DOCK3: variants seen among roughly 807,000 people sequenced by gnomAD.
The protein encoded by DOCK3 is dedicator of cytokinesis protein 3.
DOCK3 carries 60 observed loss-of-function variants against 265.6 expected under a neutral mutation model. The ratio of observed to expected loss-of-function variants is 0.23; its 90% confidence interval spans 0.18 to 0.28. DOCK3 has a LOEUF of 0.28. DOCK3 is among the 10% of genes least tolerant of loss of function. The probability of loss-of-function intolerance (pLI) is 1.00; values close to 1 mark genes in which losing one functional copy is unlikely to be tolerated. For synonymous variants in DOCK3, 881 were observed against 938.0 expected, an observed-to-expected ratio of 0.94 and a Z score of 1.11; for missense variants, 1,981 against 2,594.3, an observed-to-expected ratio of 0.76 and a Z score of 5.14.
At chr3:51,360,682 T>C (rs1414318952) in intron 47 of DOCK3, 50 bp downstream of exon 47, 9 of 1,609,846 alleles carry the variant, frequency 5.6e-6, no homozygotes, top group Non-Finnish European at 7.6e-6. Context: ...TGAGTCTAAA[T>C]TGTCAAGGGT....
rs144450851 is a variant in DOCK3 at position 50,724,314 on chromosome 3, T to C, written c.37+49014T>C. Among the ~76,000 whole-genome samples, 491 of 152,266 alleles carry C rather than the reference T, an allele frequency of 3.2e-3. 2 individuals carry two copies. Among genetic ancestry groups the C allele is most frequent in the Non-Finnish European group, 5.3e-3 (359 of 68,018 alleles). Reference sequence around the variant, plus strand: ...ATTCCTCAGGGATCTAGAATAGAAATACCATTTGACCCAGCAGTCCCATTA... The same window carrying C: ...ATTCCTCAGGGATCTAGAATAGAAACACCATTTGACCCAGCAGTCCCATTA... On this transcript the variant is annotated intron_variant, in intron 1 of 52. Transcript: ENST00000266037.
chr3:50,822,055 T>C (rs1207752021), intron 2 of DOCK3, among the ~76,000 whole-genome samples: 1 of 152,200 alleles, frequency 6.6e-6, no homozygotes, highest in East Asian at 1.9e-4. Context: ...TGACAGTAGT[T>C]TGATAGGAAT....
rs1372993913 is a variant in DOCK3, at chr3:51,371,281, T to C, written c.5294-3188T>C. ...GGAAGGCTGAGAGAAGCCCCTTCCC[T>C]TTTGGGGGTAAACATTAAGTGCAAA... On this transcript the variant is annotated intron_variant, in intron 49 of 52. Transcript: ENST00000266037. Among the ~76,000 whole-genome samples the C allele has an allele frequency of 3.3e-5, 5 of 152,210 alleles. No homozygotes were observed. The East Asian group carries it at 9.6e-4, about 29-fold the overall frequency.
At chr3:51,324,115 G>A (rs2083924306) in intron 32 of DOCK3, among the ~76,000 whole-genome samples, 2 of 152,166 alleles carry the variant, frequency 1.3e-5, no homozygotes, top group African/African-American at 4.8e-5. Flanking sequence ...TATTCAAATA[G>A]GAAGAGAGGA....
intron 27 of DOCK3, among the ~76,000 whole-genome samples, chr3:51,292,031 A>G (rs564099153): frequency 6.6e-6 from 1 of 151,934 alleles, no homozygotes; most frequent in South Asian, 2.1e-4. Flanking sequence ...AAAGCATATA[A>G]AAAATTCTCA....
In DOCK3 at chr3:50,934,877, G is replaced by A. The variant is rs571758169; in HGVS notation, c.315+800G>A. On this transcript the variant is annotated intron_variant, in intron 5 of 52. Transcript: ENST00000266037. ...AAGTGACAGGGTTTGGGCTCTGGACGATATGGAGTAAACACATTTTACTTT... is the reference window on the plus strand; with the variant it reads ...AAGTGACAGGGTTTGGGCTCTGGACAATATGGAGTAAACACATTTTACTTT... 6.6e-5 allele frequency among the ~76,000 whole-genome samples: 10 copies of A among 152,260 alleles called. No homozygotes were observed. The South Asian group carries it at 1.7e-3, about 25-fold the overall frequency.
intron 4 of DOCK3, among the ~76,000 whole-genome samples, chr3:50,916,220 T>C (rs1214745137): frequency 6.6e-6 from 1 of 152,052 alleles, no homozygotes; most frequent in Non-Finnish European, 1.5e-5. Flanking sequence ...GGCCTTCAAC[T>C]GTCCAGGGTG....
At chr3:51,137,033 AAATT>A (rs1560110436) in intron 9 of DOCK3, among the ~76,000 whole-genome samples, 1 of 149,272 alleles carries the variant, frequency 6.7e-6, no homozygotes. Flanking sequence ...TAATAATAAT[AAATT>A]AATTAAAAAA....
At chr3:51,267,319 A>G (rs919544710) in intron 23 of DOCK3, among the ~76,000 whole-genome samples, 4 of 152,144 alleles carry the variant, frequency 2.6e-5, no homozygotes, top group African/African-American at 7.2e-5. Flanking sequence ...ATTTCTGGCT[A>G]TAAACCCAAG....
chr3:51,304,946 G>A (rs866742846), intron 27 of DOCK3, among the ~76,000 whole-genome samples: 2 of 152,150 alleles, frequency 1.3e-5, no homozygotes, highest in Middle Eastern at 3.2e-3. Flanking sequence ...AAATTTATTG[G>A]GACTTTCTTA....
At chr3:50,899,836 G>T (rs1364574318) in intron 4 of DOCK3, among the ~76,000 whole-genome samples, 1 of 151,930 alleles carries the variant, frequency 6.6e-6, no homozygotes, top group Non-Finnish European at 1.5e-5. Context: ...GGCTTGTAGG[G>T]TTTCTGCTGT....
intron 3 of DOCK3, among the ~76,000 whole-genome samples, chr3:50,868,514 C>T (rs1011620379): frequency 6.6e-6 from 1 of 152,104 alleles, no homozygotes; most frequent in Admixed American, 6.5e-5. Context: ...GCTGGGACTA[C>T]AGGCACACAC....
At chr3:50,978,802 G>C (rs967095559) in intron 5 of DOCK3, among the ~76,000 whole-genome samples, 2 of 152,194 alleles carry the variant, frequency 1.3e-5, no homozygotes, top group Non-Finnish European at 2.9e-5. Flanking sequence ...GTGAGTCTCC[G>C]TGGGCGTAGG....
intron 22 of DOCK3, among the ~76,000 whole-genome samples, chr3:51,250,636 C>G (rs989790765): frequency 4.6e-5 from 7 of 152,034 alleles, no homozygotes; most frequent in African/African-American, 1.2e-4. Flanking sequence ...AACAAACAAA[C>G]AAACAAACTC....
At chr3:50,969,451 A>G (rs2077130081) in intron 5 of DOCK3, among the ~76,000 whole-genome samples, 1 of 152,164 alleles carries the variant, frequency 6.6e-6, no homozygotes, top group Admixed American at 6.5e-5. Flanking sequence ...TATCATTTAA[A>G]TGGTGCATTT....
At chr3:50,693,470 T>G (rs1301787399) in intron 1 of DOCK3, among the ~76,000 whole-genome samples, 1 of 151,976 alleles carries the variant, frequency 6.6e-6, no homozygotes, top group Non-Finnish European at 1.5e-5. Context: ...TTGTATTTCT[T>G]GATGCTAGTA....
chr3:51,009,330 C>G (rs2078836878), intron 5 of DOCK3, among the ~76,000 whole-genome samples: 1 of 152,118 alleles, frequency 6.6e-6, no homozygotes, highest in African/African-American at 2.4e-5. Flanking sequence ...TCAACTTCTT[C>G]CTGGTTTAGT....
At chr3:50,790,895 T>C (rs1559642177) in intron 2 of DOCK3, among the ~76,000 whole-genome samples, 1 of 152,220 alleles carries the variant, frequency 6.6e-6, no homozygotes, top group African/African-American at 2.4e-5. Flanking sequence ...CATATGCTTC[T>C]TGGCCACATG....
At chr3:50,853,612 T>G (rs2046440731) in intron 3 of DOCK3, among the ~76,000 whole-genome samples, 2 of 152,308 alleles carry the variant, frequency 1.3e-5, no homozygotes, top group South Asian at 4.1e-4. Flanking sequence ...TGGCCTCAGC[T>G]GCATCCATGT....
Sources: allele counts gnomAD v4.1 joint callset (sites outside exome capture counted in the v4.1 genomes callset), GRCh38; gene constraint gnomAD v4.1.1; transcripts MANE v1.5; gene names NCBI Gene and HGNC (gene_info 2026-07-23, HGNC 2026-07-21).